The following VTA1 variants were observed in gnomAD, a reference collection of about 807,000 sequenced individuals.
The protein encoded by VTA1 is vacuolar protein sorting-associated protein VTA1 homolog.
Under a neutral mutation model 36.9 loss-of-function variants are expected in VTA1, and 24 were observed. That is an observed-to-expected ratio of 0.65 (90% confidence interval 0.47 to 0.91). VTA1 has a LOEUF of 0.91. Among genes scored for constraint, VTA1 ranks in the 40% least tolerant of loss-of-function variants. VTA1 has a pLI of 0.00. For missense variants in VTA1, 393 were observed against 377.2 expected (o/e 1.04, Z -0.35); for synonymous variants, 142 against 130.2 (o/e 1.09, Z -0.62).
chr6:142,173,706 A>G (rs1396177997), intron 4 of VTA1, among the ~76,000 whole-genome samples: 1 of 152,206 alleles, frequency 6.6e-6, no homozygotes, highest in East Asian at 1.9e-4. Context: ...GGAATATGTA[A>G]CACTTCCACA....
At position 142,224,076 on chromosome 6, in the gene VTA1, C is replaced by T. The variant is rs1455019873; in HGVS notation, c.*5433C>T. 1 of 152,092 alleles carries T rather than the reference C, an allele frequency of 6.6e-6. No individual in the cohort carries two copies. The highest frequency in any genetic ancestry group is 1.5e-5 in the Non-Finnish European group (1 of 68,038). The allele number at this position is 152,092 out of a possible 1,614,324, so 9.4% of individuals were successfully genotyped here. ...TGTGTCTGTGTTCAGAGGCAGGTCC[C>T]ATAGGGAGGCAATTAAGGTTACATG... On this transcript the variant is annotated 3_prime_UTR_variant, in exon 8 of 8. Transcript: ENST00000367630.
chr6:142,170,597 ATATAT>A (rs1243309441), intron 4 of VTA1, among the ~76,000 whole-genome samples, 176 bp downstream of exon 4: 1 of 152,190 alleles, frequency 6.6e-6, no homozygotes, highest in Admixed American at 6.5e-5. Context: ...ATTTCCAATA[ATATAT>A]TTTAATTTTG....
intron 7 of VTA1, among the ~76,000 whole-genome samples, chr6:142,210,679 C>T (rs1775887056): frequency 6.6e-6 from 1 of 152,140 alleles, no homozygotes. Flanking sequence ...AAATACAAAT[C>T]AAAATCACAT....
intron 4 of VTA1, among the ~76,000 whole-genome samples, chr6:142,178,268 G>A (rs1035712851): frequency 6.6e-6 from 1 of 151,694 alleles, no homozygotes; most frequent in African/African-American, 2.4e-5. Flanking sequence ...GAGGCTGGAG[G>A]ATAATAAAAT....
intron 7 of VTA1, among the ~76,000 whole-genome samples, chr6:142,212,116 T>C (rs1029050877): frequency 3.2e-4 from 48 of 152,258 alleles, no homozygotes; most frequent in Admixed American, 3.1e-3. Context: ...GGCAGTTTCT[T>C]ATTTAACTAA....
chr6:142,205,875 A>G (rs1196217336), intron 7 of VTA1, among the ~76,000 whole-genome samples: 1 of 152,194 alleles, frequency 6.6e-6, no homozygotes, highest in African/African-American at 2.4e-5. Flanking sequence ...AAACAAAAAT[A>G]TGCCATGATT....
At position 142,209,830 on chromosome 6, in the gene VTA1, C is replaced by A. The variant is rs181376118; in HGVS notation, c.778+5765C>A. On this transcript the variant is annotated intron_variant, in intron 7 of 7. Transcript: ENST00000367630. ...AATATTATTAAAATGACAATACTAC[C>A]CAAAGCAATCTACAGATTCTGTGCA... Among the ~76,000 whole-genome samples, 29 of 151,924 alleles carry A rather than the reference C, an allele frequency of 1.9e-4. 1 individual carries two copies. The highest frequency in any genetic ancestry group is 6.7e-4 in the African/African-American group (28 of 41,488).
At chr6:142,177,027 A>C (rs999726408) in intron 4 of VTA1, among the ~76,000 whole-genome samples, 1 of 152,226 alleles carries the variant, frequency 6.6e-6, no homozygotes, top group African/African-American at 2.4e-5. Flanking sequence ...ATGGTAAAGC[A>C]GAGATATTTT....
intron 6 of VTA1, among the ~76,000 whole-genome samples, chr6:142,198,990 G>T (rs2114674253): frequency 6.6e-6 from 1 of 152,158 alleles, no homozygotes; most frequent in East Asian, 1.9e-4. Context: ...TGTCAGTCAG[G>T]GTCTCACTGT....
At chr6:142,150,241 A>G (rs1024633279) in intron 1 of VTA1, among the ~76,000 whole-genome samples, 1 of 152,148 alleles carries the variant, frequency 6.6e-6, no homozygotes, top group African/African-American at 2.4e-5. Context: ...CTGCTTTTCA[A>G]CAGAACACTG....
intron 1 of VTA1, among the ~76,000 whole-genome samples, chr6:142,149,115 C>A (rs1778516085): frequency 6.6e-6 from 1 of 152,148 alleles, no homozygotes; most frequent in Admixed American, 6.5e-5. Flanking sequence ...CATATCATTC[C>A]CTAAAGTTGC....
At chr6:142,204,930 G>A in intron 7 of VTA1, among the ~76,000 whole-genome samples, 1 of 151,128 alleles carries the variant, frequency 6.6e-6, no homozygotes, top group East Asian at 1.9e-4. Context: ...TCACCATGTT[G>A]GCCAGGGATG....
At chr6:142,197,448 T>C (rs529895891) in intron 5 of VTA1, among the ~76,000 whole-genome samples, 2 of 152,316 alleles carry the variant, frequency 1.3e-5, no homozygotes, top group African/African-American at 4.8e-5. Context: ...CAGTAGCGGC[T>C]GATGGTCATT....
intron 7 of VTA1, among the ~76,000 whole-genome samples, chr6:142,211,060 C>T (rs1775893329): frequency 6.6e-6 from 1 of 151,942 alleles, no homozygotes; most frequent in African/African-American, 2.4e-5. Flanking sequence ...ATAAAATAAG[C>T]CAAGCACAGA....
intron 7 of VTA1, among the ~76,000 whole-genome samples, chr6:142,208,849 G>C (rs983455384): frequency 1.3e-5 from 2 of 152,266 alleles, no homozygotes; most frequent in Admixed American, 1.3e-4. Context: ...GTCTTTCCCA[G>C]ACACAAAAGC....
intron 5 of VTA1, among the ~76,000 whole-genome samples, chr6:142,192,333 T>C (rs1775470425): frequency 6.6e-6 from 1 of 152,098 alleles, no homozygotes; most frequent in Admixed American, 6.5e-5. Flanking sequence ...GGCTAAGCAA[T>C]GATGTTCGGT....
At chr6:142,167,890 C>T (rs981431593) in intron 2 of VTA1, among the ~76,000 whole-genome samples, 1 of 152,190 alleles carries the variant, frequency 6.6e-6, no homozygotes, top group African/African-American at 2.4e-5. Context: ...AAATCCAACT[C>T]TAGCATTTTG....
intron 1 of VTA1, among the ~76,000 whole-genome samples, chr6:142,155,598 C>T (rs1778648287): frequency 6.6e-6 from 1 of 152,120 alleles, no homozygotes; most frequent in African/African-American, 2.4e-5. Context: ...TCAGTGACCC[C>T]TCATGATTTG....
At chr6:142,176,310 T>C (rs1779635086) in intron 4 of VTA1, among the ~76,000 whole-genome samples, 1 of 152,228 alleles carries the variant, frequency 6.6e-6, no homozygotes, top group Non-Finnish European at 1.5e-5. Context: ...GAGTTTTTGC[T>C]ATTTGAGGGA....
Sources: allele counts gnomAD v4.1 joint callset (sites outside exome capture counted in the v4.1 genomes callset), GRCh38; gene constraint gnomAD v4.1.1; transcripts MANE v1.5; gene names NCBI Gene and HGNC (gene_info 2026-07-23, HGNC 2026-07-21).